The following CALCR variants were observed in gnomAD, a reference collection of about 807,000 sequenced individuals.
CALCR encodes calcitonin receptor.
A neutral mutation model predicts 59.5 loss-of-function variants in CALCR; 47 were observed. That is an observed-to-expected ratio of 0.79 (90% confidence interval 0.63 to 1.01). The LOEUF is 1.01. Ranked by LOEUF, CALCR falls within the 50% of genes least tolerant of loss-of-function variation. The pLI is 0.00. For synonymous variants in CALCR, 213 were observed against 211.3 expected (o/e 1.01, Z -0.07); for missense variants, 566 against 597.1 (o/e 0.95, Z 0.54).
chr7:93,487,033 A>G (rs753401282), intron 2 of CALCR, 26 bp from the exon 3 acceptor site: 115 of 1,220,150 alleles, frequency 9.4e-5, no homozygotes, highest in Non-Finnish European at 1.2e-4. Flanking sequence ...AGCAACAAAG[A>G]CTAAAATTAA....
chr7:93,460,572 A>ATATAT (rs1554397786), intron 8 of CALCR, among the ~76,000 whole-genome samples: 6 of 66,512 alleles, frequency 9.0e-5, no homozygotes, highest in African/African-American at 3.0e-4. Context: ...AAAAAAAAAA[A>ATATAT]ATATATATAT....
At chr7:93,438,590 C>A (rs1379718165) in intron 9 of CALCR, among the ~76,000 whole-genome samples, 1 of 152,138 alleles carries the variant, frequency 6.6e-6, no homozygotes, top group Non-Finnish European at 1.5e-5. Context: ...TTAACTGAGA[C>A]CAGAAAGCCT....
intron 5 of CALCR, among the ~76,000 whole-genome samples, chr7:93,476,312 C>G (rs1472261895): frequency 6.6e-6 from 1 of 151,666 alleles, no homozygotes; most frequent in Non-Finnish European, 1.5e-5. Flanking sequence ...CTATCTTTTA[C>G]CAAGTACTTT....
intron 2 of CALCR, among the ~76,000 whole-genome samples, chr7:93,534,996 T>G (rs1016824820): frequency 8.6e-5 from 13 of 151,710 alleles, no homozygotes; most frequent in African/African-American, 2.4e-5. Flanking sequence ...TTTAGAGAAT[T>G]AAAAACTTGC....
chr7:93,493,838 C>T (rs1801138264), intron 2 of CALCR, among the ~76,000 whole-genome samples: 1 of 151,208 alleles, frequency 6.6e-6, no homozygotes, highest in South Asian at 2.1e-4. Context: ...TTGTGTCTTT[C>T]TTGTTGATTG....
At chr7:93,510,085 T>A (rs1447373852) in intron 2 of CALCR, among the ~76,000 whole-genome samples, 1 of 152,208 alleles carries the variant, frequency 6.6e-6, no homozygotes, top group Non-Finnish European at 1.5e-5. Context: ...TTTCTTTGTA[T>A]AAATTTCTTT....
chr7:93,510,399 T>TG (rs982045883), intron 2 of CALCR, among the ~76,000 whole-genome samples: 55 of 152,264 alleles, frequency 3.6e-4, no homozygotes, highest in South Asian at 1.0e-3. Flanking sequence ...GACAGCCCGG[T>TG]GAAGACTCCT....
chr7:93,536,737 A>G (rs1406674282), intron 2 of CALCR, among the ~76,000 whole-genome samples: 1 of 151,040 alleles, frequency 6.6e-6, no homozygotes, highest in East Asian at 1.9e-4. Flanking sequence ...ATTTTTTTGT[A>G]TTTTCTCATG....
intron 8 of CALCR, among the ~76,000 whole-genome samples, chr7:93,455,820 A>T (rs1800198404): frequency 2.0e-5 from 3 of 152,260 alleles, no homozygotes; most frequent in Non-Finnish European, 4.4e-5. Flanking sequence ...TACTCAAGAA[A>T]TTGGACTTCT....
intron 6 of CALCR, among the ~76,000 whole-genome samples, chr7:93,470,740 A>G (rs1473601123): frequency 6.7e-6 from 1 of 148,748 alleles, no homozygotes; most frequent in Admixed American, 6.7e-5. Flanking sequence ...TTATTTTTTT[A>G]TTTTTATTTT....
intron 2 of CALCR, among the ~76,000 whole-genome samples, chr7:93,489,212 C>T (rs1351137954): frequency 6.6e-6 from 1 of 151,830 alleles, no homozygotes; most frequent in Non-Finnish European, 1.5e-5. Flanking sequence ...TTCTTGGAAA[C>T]CAATGAGAAC....
At chr7:93,500,586 C>T (rs10230153) in intron 2 of CALCR, among the ~76,000 whole-genome samples, 7,711 of 151,986 alleles carry the variant, frequency 0.051, 686 homozygotes, top group African/African-American at 0.18. Context: ...ATACATTTAT[C>T]TTTGTATGTT....
chr7:93,459,033 G>C (rs1210427734), intron 8 of CALCR, among the ~76,000 whole-genome samples: 1 of 152,002 alleles, frequency 6.6e-6, no homozygotes, highest in Admixed American at 6.6e-5. Context: ...AAGTACTTGG[G>C]GACTTTTTGG....
At chr7:93,428,350 G>A (rs1799575509) in intron 13 of CALCR, among the ~76,000 whole-genome samples, 1 of 152,196 alleles carries the variant, frequency 6.6e-6, no homozygotes, top group South Asian at 2.1e-4. Flanking sequence ...ATGTGGCAAA[G>A]CCACAGTACC....
intron 13 of CALCR, among the ~76,000 whole-genome samples, chr7:93,433,901 G>A (rs1799711390): frequency 6.6e-6 from 1 of 152,238 alleles, no homozygotes; most frequent in Non-Finnish European, 1.5e-5. Context: ...AAACCGAATG[G>A]AGATTGTCTC....
chr7:93,540,686 TTATTATATTTTATA>T (rs979698158), intron 2 of CALCR, among the ~76,000 whole-genome samples: 8 of 61,256 alleles, frequency 1.3e-4, no homozygotes, highest in South Asian at 7.0e-4. Context: ...TTATACATCT[TTATTATATTTTATA>T]TATTATATTT....
intron 2 of CALCR, among the ~76,000 whole-genome samples, chr7:93,502,145 C>CT (rs1801332291): frequency 2.0e-5 from 3 of 151,956 alleles, no homozygotes; most frequent in Non-Finnish European, 1.5e-5. Context: ...TAGGGGATAA[C>CT]TAGTGGGAAA....
chr7:93,458,584 T>C (rs1800254652), intron 8 of CALCR, among the ~76,000 whole-genome samples: 1 of 152,156 alleles, frequency 6.6e-6, no homozygotes, highest in Admixed American at 6.6e-5. Context: ...GGACCATCAG[T>C]AGAGACTGGA....
intron 2 of CALCR, among the ~76,000 whole-genome samples, chr7:93,511,856 A>G (rs1232954100): frequency 3.9e-5 from 6 of 152,174 alleles, no homozygotes; most frequent in African/African-American, 7.2e-5. Flanking sequence ...TAAAAATGCA[A>G]TGGATGGGCT....
Sources: allele counts gnomAD v4.1 joint callset (sites outside exome capture counted in the v4.1 genomes callset), GRCh38; gene constraint gnomAD v4.1.1; transcripts MANE v1.5; gene names NCBI Gene and HGNC (gene_info 2026-07-23, HGNC 2026-07-21).